Variants in FURIN observed in about 807,000 individuals in gnomAD.
FURIN encodes FES upstream region.
In FURIN, 18 loss-of-function variants were observed where a neutral mutation model predicts 89.2. That is an observed-to-expected ratio of 0.20 (90% confidence interval 0.14 to 0.30). The LOEUF (loss-of-function observed/expected upper bound fraction) is 0.30. FURIN is among the 10% of genes least tolerant of loss of function. FURIN has a pLI of 1.00. For synonymous variants in FURIN, 508 were observed against 466.4 expected, an observed-to-expected ratio of 1.09 and a Z score of -1.15; for missense variants, 879 against 1,100.5, an observed-to-expected ratio of 0.80 and a Z score of 2.85.
At chr15:90,873,759 G>T (rs1250992564) in intron 1 of FURIN, among the ~76,000 whole-genome samples, 1 of 152,192 alleles carries the variant, frequency 6.6e-6, no homozygotes, top group Non-Finnish European at 1.5e-5. Flanking sequence ...GCCTGCCCTG[G>T]AAGTCCTGTG....
At chr15:90,872,038 CCCCGCCGCCA>C (rs1358492739) in intron 1 of FURIN, among the ~76,000 whole-genome samples, 1 of 151,412 alleles carries the variant, frequency 6.6e-6, no homozygotes, top group Admixed American at 6.6e-5. Context: ...GCTCCAGCCT[CCCCGCCGCCA>C]CCGGGGCTGC....
In FURIN at chr15:90,876,144, C is replaced by T. The variant is rs944208672; in HGVS notation, c.178-111C>T. 34 of 839,808 alleles carry T rather than the reference C, an allele frequency of 4.0e-5. No homozygotes were observed. Among genetic ancestry groups the T allele is most frequent in the Admixed American group, 1.6e-4 (9 of 56,148 alleles). 52.0% of individuals were successfully genotyped at this position (839,808 alleles called of 1,614,324 possible). ...GGTCCCGGACAGGGAGCAGATGCCC[C>T]GCACCCCCGACCGTGGCGAGCCTCC... is the stretch of plus-strand genomic sequence containing the variant. On this transcript the variant is annotated intron_variant, in intron 2 of 15. Coordinates refer to ENST00000268171, the MANE Select transcript of FURIN (RefSeq NM_002569.4). The surrounding 1 kb of genome is among the most constrained non-coding windows in gnomAD (Gnocchi z 5.0).
At position 90,880,785 on chromosome 15, in the gene FURIN, A is replaced by T; in HGVS notation, c.1651A>T (p.Ile551Phe). 1.2e-6 allele frequency: 2 copies of T among 1,613,636 alleles called. No individual in the cohort carries two copies. The highest frequency in any genetic ancestry group is 1.1e-5 in the South Asian group (1 of 91,016). The change falls in exon 14 of 16, where the codon ATT becomes TTT. Residue 551 changes from isoleucine (I) to phenylalanine (F), a missense_variant. Around this residue, in one of 5 missense-constraint regions of FURIN, gnomAD observed 457 missense variants for 490.7 expected, o/e 0.93. Coordinates refer to ENST00000268171, the MANE Select transcript of FURIN (RefSeq NM_002569.4). ...EDPSGEWVLE[I>F]ENTSEANNYG... is the part of the protein sequence containing the mutation. ...TCCCTCTGGCGAGTGGGTCCTAGAG[A>T]TTGAAAACACCAGCGAAGCCAACAA...
Position 90,876,418 on chromosome 15 carries a change from G to T in FURIN, c.277-44G>T, listed in dbSNP as rs757641148. ...CCTCCTGCTCTCAGGAGCCCCTCTC[G>T]CCTCCTGCTCCACCCACACCATCTC... On this transcript the variant is annotated intron_variant, in intron 3 of 15. Transcript: ENST00000268171. This position sits in a 1 kb window ranked among gnomAD's most constrained non-coding sequence, Gnocchi z 5.0. 6.5e-7 allele frequency: 1 copy of T among 1,543,550 alleles called. No individual in the cohort carries two copies. Among genetic ancestry groups the T allele is most frequent in the East Asian group, 2.2e-5 (1 of 44,472 alleles).
chr15:90,875,786 A>G lies in FURIN; in HGVS notation c.46A>G (p.Thr16Ala), dbSNP rs1230425371. ...WLLWVVAATGTLVLLAADAQG... is the reference protein window; with the variant it reads ...WLLWVVAATGALVLLAADAQG... ...GCTATGGGTGGTAGCAGCAACAGGA[A>G]CCTTGGTCCTGCTAGCAGCTGATGC... Residue 16 changes from threonine (T) to alanine (A), a missense_variant, in exon 2 of 16, where the codon ACC becomes GCC. Physicochemically the swap from Thr to Ala is moderately conservative, Grantham distance 58 (BLOSUM62 0). This residue lies in a region of FURIN where 125 missense variants were observed against 125.0 expected (regional missense o/e 1.00). Coordinates refer to ENST00000268171, the MANE Select transcript of FURIN (RefSeq NM_002569.4). 9.6e-6 allele frequency: 15 copies of G among 1,557,564 alleles called. No individual in the cohort carries two copies. Among genetic ancestry groups the G allele is most frequent in the Non-Finnish European group, 1.2e-5 (14 of 1,149,892 alleles).
Position 90,878,118 on chromosome 15 carries a change from C to G in FURIN, c.668-14C>G. On this transcript the variant is annotated splice_polypyrimidine_tract_variant and intron_variant, in intron 7 of 15. Coordinates refer to ENST00000268171, the MANE Select transcript of FURIN (RefSeq NM_002569.4). ...CATGCAGCATCCCTCTTCGTGCCCC[C>G]CCTTCACGGCCAGGGGTGCGCATGC... The G allele has an allele frequency of 6.2e-7, 1 of 1,613,460 alleles. No individual in the cohort carries two copies. Among genetic ancestry groups the G allele is most frequent in the Non-Finnish European group, 8.5e-7 (1 of 1,179,922 alleles).
chr15:90,872,168 G>T (rs2151219231), intron 1 of FURIN, among the ~76,000 whole-genome samples: 1 of 151,558 alleles, frequency 6.6e-6, no homozygotes, highest in East Asian at 2.0e-4. Context: ...GCCCCCGCCC[G>T]CACACCTGTG....
chr15:90,873,421 GC>G (rs2031430977), intron 1 of FURIN, among the ~76,000 whole-genome samples: 1 of 152,174 alleles, frequency 6.6e-6, no homozygotes, highest in South Asian at 2.1e-4. Flanking sequence ...TGGAATCTGG[GC>G]TAGACCCAGA....
rs756177892 is a variant in FURIN, at chr15:90,876,370, C to T, written c.276+17C>T. 6.4e-7 allele frequency: 1 copy of T among 1,569,462 alleles called. No homozygotes were observed. Among genetic ancestry groups the T allele is most frequent in the Non-Finnish European group, 8.8e-7 (1 of 1,139,598 alleles). ...GAGCCTCAAGTGAGTGTGGCCCCAG[C>T]CCCCTCCTGCTGCCACCCTCCCCCT... is the stretch of plus-strand genomic sequence containing the variant. On this transcript the variant is annotated intron_variant, in intron 3 of 15. Coordinates refer to ENST00000268171, the MANE Select transcript of FURIN (RefSeq NM_002569.4). The surrounding 1 kb of genome is among the most constrained non-coding windows in gnomAD (Gnocchi z 5.0).
chr15:90,875,739 C>G lies in FURIN; in HGVS notation c.-2C>G, dbSNP rs1291704916. The G allele has an allele frequency of 4.5e-6, 7 of 1,539,192 alleles. No homozygotes were observed. The highest frequency in any genetic ancestry group is 2.0e-5 in the Admixed American group (1 of 50,088). On this transcript the variant is annotated 5_prime_UTR_variant, in exon 2 of 16. Transcript: ENST00000268171. Reference sequence around the variant, plus strand: ...CCAGGGTCCCAGCCACCTGTCCCCCCCATGGAGCTGAGGCCCTGGTTGCTA... The same window carrying G: ...CCAGGGTCCCAGCCACCTGTCCCCCGCATGGAGCTGAGGCCCTGGTTGCTA...
intron 9 of FURIN, 146 bp downstream of exon 9, chr15:90,879,122 C>T (rs968023663): frequency 1.4e-5 from 9 of 622,338 alleles, no homozygotes; most frequent in Non-Finnish European, 2.6e-5. Flanking sequence ...CTCTGGGGCT[C>T]TGTAGGTTCT....
At chr15:90,869,061 T>C (rs2031169350) in intron 1 of FURIN, among the ~76,000 whole-genome samples, 1 of 152,122 alleles carries the variant, frequency 6.6e-6, no homozygotes, top group Non-Finnish European at 1.5e-5. Context: ...TAGGACTATG[T>C]GATTCTCAGG....
intron 1 of FURIN, among the ~76,000 whole-genome samples, chr15:90,872,171 C>T (rs1032750741): frequency 1.3e-5 from 2 of 151,542 alleles, no homozygotes; most frequent in Non-Finnish European, 3.0e-5. Context: ...CCCGCCCGCA[C>T]ACCTGTGCGG....
rs2031576982 is a variant in FURIN, at chr15:90,875,737, C to G, written c.-4C>G. ...CTCCAGGGTCCCAGCCACCTGTCCC[C>G]CCCATGGAGCTGAGGCCCTGGTTGC... is the stretch of plus-strand genomic sequence containing the variant. On this transcript the variant is annotated 5_prime_UTR_variant, in exon 2 of 16. Transcript: ENST00000268171. 21 of 1,536,834 alleles carry G rather than the reference C, an allele frequency of 1.4e-5. No individual in the cohort carries two copies. Among genetic ancestry groups the G allele is most frequent in the Non-Finnish European group, 1.7e-5 (19 of 1,138,512 alleles).
At position 90,881,767 on chromosome 15, in the gene FURIN, C is replaced by T. The variant is rs1232777171; in HGVS notation, c.2274C>T (p.Ser758=). ...ACACCATGGACCGTGGCCTCATCTC[C>T]TACAAGGGGCTGCCCCCTGAAGCCT... ...KVYTMDRGLI[S]YKGLPPEAWQ... is the part of the protein sequence containing the mutation. The change falls in exon 16 of 16, where the codon TCC becomes TCT. Residue 758 remains serine, a synonymous_variant. Coordinates refer to ENST00000268171, the MANE Select transcript of FURIN (RefSeq NM_002569.4). This position sits in a 1 kb window ranked among gnomAD's most constrained non-coding sequence, Gnocchi z 4.3. The T allele has an allele frequency of 6.2e-7, 1 of 1,612,632 alleles. No homozygotes were observed. Among genetic ancestry groups the T allele is most frequent in the Non-Finnish European group, 8.5e-7 (1 of 1,179,408 alleles).
At chr15:90,868,859 T>C (rs780852135) in intron 1 of FURIN, 148 bp downstream of exon 1, 5 of 152,074 alleles carry the variant, frequency 3.3e-5, no homozygotes, top group Non-Finnish European at 5.9e-5. Context: ...AGAACACCAA[T>C]GGAATTTTGT....
chr15:90,873,665 C>G (rs1405533607), intron 1 of FURIN, among the ~76,000 whole-genome samples: 1 of 152,092 alleles, frequency 6.6e-6, no homozygotes, highest in Admixed American at 6.5e-5. Context: ...TCCCCTAGGG[C>G]TGGGGCGCCT....
chr15:90,875,524 G>A (rs750547280), intron 1 of FURIN, 58 bp from the exon 2 acceptor site: 24 of 470,332 alleles, frequency 5.1e-5, no homozygotes, highest in Non-Finnish European at 4.9e-5. Flanking sequence ...GGCAGCTTTA[G>A]TGCGTAGCAG....
chr15:90,879,705 G>A lies in FURIN; in HGVS notation c.1189G>A (p.Val397Met). The A allele has an allele frequency of 6.2e-7, 1 of 1,613,766 alleles. No individual in the cohort carries two copies. Residue 397 changes from valine to methionine, a missense_variant, in exon 11 of 16, where the codon GTG becomes ATG. Transcript: ENST00000268171. ...CACATGGCGGGACATGCAACACCTG[G>A]TGGTACAGACCTCGAAGCCAGCCCA... ...NLTWRDMQHL[V>M]VQTSKPAHLN...
Sources: gnomAD v4.1 joint callset for allele counts (sites outside exome capture counted in the v4.1 genomes callset) on GRCh38, gnomAD v4.1.1 for gene constraint, gnomAD v4.1.1 regional missense constraint, Gnocchi (gnomAD v3.1) non-coding constraint, MANE v1.5 for transcripts, NCBI Gene and HGNC (gene_info 2026-07-23, HGNC 2026-07-21) for gene names.